PLIN3: variants seen among roughly 807,000 people sequenced by gnomAD.
The protein encoded by PLIN3 is perilipin-3.
Under a neutral mutation model 35.9 loss-of-function variants are expected in PLIN3, and 30 were observed. The observed-to-expected ratio is 0.84, with a 90% CI of 0.62 to 1.13. The LOEUF (loss-of-function observed/expected upper bound fraction) is 1.13, where lower values mean the gene tolerates loss of function less well. Among genes scored for constraint, PLIN3 ranks in the 50% most tolerant of loss-of-function variants. The pLI, the probability that PLIN3 is intolerant of heterozygous loss-of-function variation, is 0.00. For missense variants in PLIN3, 603 were observed against 596.9 expected, an observed-to-expected ratio of 1.01 and a Z score of -0.11; for synonymous variants, 261 against 262.5, an observed-to-expected ratio of 0.99 and a Z score of 0.06.
chr19:4,840,296 C>CTT (rs932401843), intron 7 of PLIN3, among the ~76,000 whole-genome samples: 32 of 152,142 alleles, frequency 2.1e-4, no homozygotes, highest in African/African-American at 7.0e-4. Flanking sequence ...CAGGATCTCA[C>CTT]TTTGTCGCCC....
intron 7 of PLIN3, among the ~76,000 whole-genome samples, chr19:4,842,599 C>CAAA (rs11383489): frequency 0.01 from 488 of 46,818 alleles, 16 homozygotes; most frequent in Non-Finnish European, 0.014. Context: ...GACTCTATCT[C>CAAA]AAAAAAAAAA....
At chr19:4,839,889 T>G (rs989271029) in intron 7 of PLIN3, among the ~76,000 whole-genome samples, 1 of 150,808 alleles carries the variant, frequency 6.6e-6, no homozygotes, top group African/African-American at 2.4e-5. Flanking sequence ...ATGGTCTTGA[T>G]CTCCTGACCT....
rs111319930 is a variant in PLIN3 at position 4,843,510 on chromosome 19, AAAATAAATAAAT to A, written c.960+1146_960+1157del. Among the ~76,000 whole-genome samples, 11 of 139,532 alleles carry A rather than the reference AAAATAAATAAAT, an allele frequency of 7.9e-5. No individual in the cohort carries two copies. In the East Asian group the frequency reaches 8.4e-4, roughly 11 times the overall value. 91.5% of individuals were successfully genotyped at this position (139,532 alleles called of 152,430 possible). On this transcript the variant is annotated intron_variant, in intron 7 of 7. Coordinates refer to ENST00000221957, the MANE Select transcript of PLIN3 (RefSeq NM_005817.5). ...GTGACAGAGCGAGACTCCATCTCAA[AAAATAAATAAAT>A]AAATAAATAAATAAATAATTGATCT...
intron 1 of PLIN3, among the ~76,000 whole-genome samples, chr19:4,862,133 C>CT (rs34562088): frequency 0.53 from 69,114 of 130,932 alleles, 19,179 homozygotes; most frequent in Non-Finnish European, 0.61. Flanking sequence ...GAGATGTTAT[C>CT]TTTTTTTTTT....
At chr19:4,854,972 G>A (rs574408375) in intron 4 of PLIN3, among the ~76,000 whole-genome samples, 11 of 151,840 alleles carry the variant, frequency 7.2e-5, no homozygotes, top group East Asian at 3.9e-4. Flanking sequence ...AAAATTGGCC[G>A]GGCACGGTGA....
At chr19:4,860,424 T>C (rs181655393) in intron 2 of PLIN3, among the ~76,000 whole-genome samples, 33 of 151,874 alleles carry the variant, frequency 2.2e-4, no homozygotes, top group Middle Eastern at 3.4e-3. Context: ...AGGCTGGTCT[T>C]GAACTCCTGA....
At chr19:4,850,717 G>A (rs930202206) in intron 5 of PLIN3, among the ~76,000 whole-genome samples, 1 of 149,726 alleles carries the variant, frequency 6.7e-6, no homozygotes, top group African/African-American at 2.5e-5. Flanking sequence ...TTACAGGCGT[G>A]ACCCACCGTG....
chr19:4,839,866 C>G (rs573958579), intron 7 of PLIN3, among the ~76,000 whole-genome samples: 1 of 150,818 alleles, frequency 6.6e-6, no homozygotes, highest in Non-Finnish European at 1.5e-5. Context: ...GGGGTTTCAC[C>G]GTGTTAGCCA....
At chr19:4,852,710 AG>A (rs1040079438) in intron 4 of PLIN3, among the ~76,000 whole-genome samples, 19 of 151,580 alleles carry the variant, frequency 1.3e-4, no homozygotes, top group Non-Finnish European at 1.9e-4. Flanking sequence ...ACACCATCTC[AG>A]ATCACTGCAA....
rs530510875 is a variant in PLIN3 at position 4,864,052 on chromosome 19, C to T, written c.-17-2641G>A. On this transcript the variant is annotated intron_variant, in intron 1 of 7. Coordinates refer to ENST00000221957, the MANE Select transcript of PLIN3 (RefSeq NM_005817.5). ...CGCTCAAGCAATTCTCCCACCTTGACCCTGCAAGTAGCTGGGACTACAGGC... is the reference window on the plus strand; with the variant it reads ...CGCTCAAGCAATTCTCCCACCTTGATCCTGCAAGTAGCTGGGACTACAGGC... Among the ~76,000 whole-genome samples, 8 of 151,188 alleles carry T rather than the reference C, an allele frequency of 5.3e-5. 1 individual carries two copies. The South Asian group carries it at 1.7e-3, about 32-fold the overall frequency.
At chr19:4,857,681 A>G (rs980298109) in intron 4 of PLIN3, among the ~76,000 whole-genome samples, 7 of 152,154 alleles carry the variant, frequency 4.6e-5, no homozygotes, top group African/African-American at 1.7e-4. Context: ...TGTAGAAAAG[A>G]AAGTGGGACC....
At chr19:4,854,302 T>C (rs1420205859) in intron 4 of PLIN3, among the ~76,000 whole-genome samples, 1 of 152,106 alleles carries the variant, frequency 6.6e-6, no homozygotes, top group Non-Finnish European at 1.5e-5. Flanking sequence ...ACCTGCCCCA[T>C]TCCTACCCAA....
At position 4,844,541 on chromosome 19, in the gene PLIN3, T is replaced by C. The variant is rs546266563; in HGVS notation, c.960+127A>G. 7 of 1,022,676 alleles carry C rather than the reference T, an allele frequency of 6.8e-6. No individual in the cohort carries two copies. The South Asian group carries it at 9.8e-5, about 14-fold the overall frequency. 63.4% of individuals were successfully genotyped at this position (1,022,676 alleles called of 1,614,324 possible). On this transcript the variant is annotated intron_variant, in intron 7 of 7. Transcript: ENST00000221957. ...GGCAGGCTTCCTGAAGGAGGTGTCA[T>C]TAGCTTCCAAAAGCAGGTGAGGCTA...
At chr19:4,860,827 C>T (rs768227673) in intron 2 of PLIN3, among the ~76,000 whole-genome samples, 8 of 151,942 alleles carry the variant, frequency 5.3e-5, no homozygotes, top group Non-Finnish European at 8.8e-5. Context: ...AAAAATTAGC[C>T]GGGCGTGGTG....
intron 2 of PLIN3, 95 bp from the exon 3 acceptor site, chr19:4,860,119 G>A: frequency 1.8e-6 from 2 of 1,092,222 alleles, no homozygotes; most frequent in South Asian, 1.3e-5. Flanking sequence ...TCTTACTCCT[G>A]GCCAGTGAAA....
intron 1 of PLIN3, among the ~76,000 whole-genome samples, chr19:4,864,156 TG>T (rs1386095264): frequency 1.4e-5 from 2 of 139,934 alleles, no homozygotes; most frequent in Admixed American, 1.5e-4. Flanking sequence ...TGTGTGGTTT[TG>T]TTTTTTTTTT....
At chr19:4,849,911 A>T (rs951952734) in intron 5 of PLIN3, among the ~76,000 whole-genome samples, 1 of 151,514 alleles carries the variant, frequency 6.6e-6, no homozygotes, top group Non-Finnish European at 1.5e-5. Context: ...TCAGCCTCCG[A>T]AAGTGCTGGG....
chr19:4,844,251 G>T (rs1326530188), intron 7 of PLIN3, among the ~76,000 whole-genome samples: 3 of 151,994 alleles, frequency 2.0e-5, no homozygotes, highest in Non-Finnish European at 2.9e-5. Flanking sequence ...ATCACTTGAG[G>T]TCAGGAGTTC....
rs2093623043 is a variant in PLIN3, at chr19:4,838,357, G to A, written c.*835C>T. 1 of 152,536 alleles carries A rather than the reference G, an allele frequency of 6.6e-6. No homozygotes were observed. Among genetic ancestry groups the A allele is most frequent in the African/African-American group, 2.4e-5 (1 of 41,444 alleles). The allele number at this position is 152,536 out of a possible 1,614,324, so 9.4% of individuals were successfully genotyped here. A position where few individuals can be genotyped will look rare whatever the true frequency, so the allele number is the denominator to read the frequency against. ...TGGCCTGTATGCAGTTGTGGGTGAA[G>A]TTTATTAAGGCAATACTGAATACCA... is the stretch of plus-strand genomic sequence containing the variant. On this transcript the variant is annotated 3_prime_UTR_variant, in exon 8 of 8. Transcript: ENST00000221957.
Sources: gnomAD v4.1 joint callset for allele counts (sites outside exome capture counted in the v4.1 genomes callset) on GRCh38, gnomAD v4.1.1 for gene constraint, MANE v1.5 for transcripts, NCBI Gene and HGNC (gene_info 2026-07-23, HGNC 2026-07-21) for gene names.